SPOCK3: variants seen among roughly 807,000 people sequenced by gnomAD.
SPOCK3 encodes the protein SPARC (osteonectin), cwcv and kazal like domains proteoglycan 3, also known as testican-3.
SPOCK3 carries 30 observed loss-of-function variants against 56.6 expected under a neutral mutation model. That is an observed-to-expected ratio of 0.53 (90% CI 0.40 to 0.72). SPOCK3 has a LOEUF of 0.72. Ranked by LOEUF, SPOCK3 falls within the 30% of genes least tolerant of loss-of-function variation. The pLI, the probability that SPOCK3 is intolerant of heterozygous loss-of-function variation, is 0.00. For synonymous variants in SPOCK3, 196 were observed against 183.3 expected, an observed-to-expected ratio of 1.07 and a Z score of -0.56; for missense variants, 527 against 530.0, an observed-to-expected ratio of 0.99 and a Z score of 0.06.
intron 4 of SPOCK3, among the ~76,000 whole-genome samples, chr4:166,925,656 A>G (rs1218081957): frequency 6.6e-6 from 1 of 151,368 alleles, no homozygotes. Context: ...TGAGACATCA[A>G]TTCAACCACT....
intron 5 of SPOCK3, 91 bp downstream of exon 5, chr4:166,912,529 G>T: frequency 1.6e-6 from 2 of 1,221,062 alleles, no homozygotes; most frequent in South Asian, 2.6e-5. Context: ...TGAATAATTT[G>T]AATTATCACA....
chr4:166,938,775 A>G (rs1490090977), intron 4 of SPOCK3, among the ~76,000 whole-genome samples: 2 of 152,156 alleles, frequency 1.3e-5, no homozygotes, highest in Non-Finnish European at 2.9e-5. Context: ...GAATAATCAT[A>G]CTATACATAT....
intron 6 of SPOCK3, among the ~76,000 whole-genome samples, chr4:166,798,807 T>G (rs536303324): frequency 6.6e-6 from 1 of 151,952 alleles, no homozygotes; most frequent in South Asian, 2.1e-4. Flanking sequence ...TAAAAGTGAG[T>G]GGTGAGTATG....
chr4:167,181,278 T>C (rs1245557244), intron 2 of SPOCK3, among the ~76,000 whole-genome samples: 1 of 152,174 alleles, frequency 6.6e-6, no homozygotes, highest in Non-Finnish European at 1.5e-5. Flanking sequence ...CCTTGAGTCA[T>C]CCCTGACTCC....
At chr4:167,083,738 CAA>C (rs757096739) in intron 2 of SPOCK3, among the ~76,000 whole-genome samples, 2 of 151,992 alleles carry the variant, frequency 1.3e-5, no homozygotes, top group Non-Finnish European at 2.9e-5. Context: ...ATAGGGATAA[CAA>C]GAGAGGATTA....
chr4:166,853,875 C>G (rs1171479963), intron 6 of SPOCK3, among the ~76,000 whole-genome samples: 3 of 151,512 alleles, frequency 2.0e-5, no homozygotes, highest in Middle Eastern at 3.4e-3. Flanking sequence ...GAGGAAGACT[C>G]TCTCTCAAAA....
chr4:167,109,491 T>A (rs1760698409), intron 2 of SPOCK3, among the ~76,000 whole-genome samples: 1 of 110,016 alleles, frequency 9.1e-6, no homozygotes, highest in African/African-American at 3.7e-5. Flanking sequence ...ATAAAATATA[T>A]TTATATATTT....
At chr4:166,951,186 T>A (rs1742568586) in intron 4 of SPOCK3, among the ~76,000 whole-genome samples, 2 of 143,274 alleles carry the variant, frequency 1.4e-5, no homozygotes, top group Non-Finnish European at 3.0e-5. Context: ...GATAGACTGC[T>A]AGCAAGACTA....
At chr4:166,803,900 T>C (rs1742876241) in intron 6 of SPOCK3, among the ~76,000 whole-genome samples, 1 of 152,162 alleles carries the variant, frequency 6.6e-6, no homozygotes, top group African/African-American at 2.4e-5. Flanking sequence ...GCAAATTAAC[T>C]GTAGAGTTGG....
chr4:167,150,615 C>T (rs1764332436), intron 2 of SPOCK3, among the ~76,000 whole-genome samples: 1 of 152,060 alleles, frequency 6.6e-6, no homozygotes, highest in African/African-American at 2.4e-5. Flanking sequence ...AACCCGTAGA[C>T]TTATGATTGT....
chr4:166,897,210 C>G (rs1038160736), intron 5 of SPOCK3, among the ~76,000 whole-genome samples: 1 of 151,958 alleles, frequency 6.6e-6, no homozygotes, highest in African/African-American at 2.4e-5. Flanking sequence ...ATGTGAAAAT[C>G]TAGTTTGTCT....
At chr4:166,875,808 C>T (rs1426954099) in intron 6 of SPOCK3, among the ~76,000 whole-genome samples, 2 of 152,146 alleles carry the variant, frequency 1.3e-5, no homozygotes, top group Non-Finnish European at 2.9e-5. Context: ...GAAGAGCAAG[C>T]GGTTTCTAGG....
At chr4:167,220,772 C>T (rs2111098406) in intron 2 of SPOCK3, among the ~76,000 whole-genome samples, 1 of 152,156 alleles carries the variant, frequency 6.6e-6, no homozygotes, top group East Asian at 1.9e-4. Context: ...AATAAAAATG[C>T]CAGTAATATG....
intron 6 of SPOCK3, among the ~76,000 whole-genome samples, chr4:166,848,310 A>C (rs924393672): frequency 9.2e-5 from 14 of 152,166 alleles, no homozygotes; most frequent in Non-Finnish European, 1.9e-4. Flanking sequence ...TTTGAATTTG[A>C]GGAAAAGGGG....
At chr4:167,151,029 C>G (rs1176945659) in intron 2 of SPOCK3, among the ~76,000 whole-genome samples, 1 of 152,118 alleles carries the variant, frequency 6.6e-6, no homozygotes, top group African/African-American at 2.4e-5. Context: ...CATCTGAGCC[C>G]ATCATCTGGT....
At chr4:166,858,390 C>T (rs1730904359) in intron 6 of SPOCK3, among the ~76,000 whole-genome samples, 1 of 152,092 alleles carries the variant, frequency 6.6e-6, no homozygotes, top group Non-Finnish European at 1.5e-5. Context: ...TCTATTAAGC[C>T]CATTCTGATT....
intron 5 of SPOCK3, among the ~76,000 whole-genome samples, chr4:166,896,346 C>T (rs1735381259): frequency 6.6e-6 from 1 of 152,216 alleles, no homozygotes. Flanking sequence ...AATGGACCCT[C>T]CAGCAGCTGA....
chr4:166,904,760 G>T (rs1257425621), intron 5 of SPOCK3, among the ~76,000 whole-genome samples: 2 of 151,912 alleles, frequency 1.3e-5, no homozygotes, highest in African/African-American at 4.8e-5. Context: ...GATACACATG[G>T]ATAACCTATT....
chr4:166,948,337 T>A (rs538243413), intron 4 of SPOCK3, among the ~76,000 whole-genome samples: 1 of 152,296 alleles, frequency 6.6e-6, no homozygotes, highest in African/African-American at 2.4e-5. Flanking sequence ...CAGACATTAC[T>A]TTTATTTACT....
Sources: allele counts gnomAD v4.1 joint callset (sites outside exome capture counted in the v4.1 genomes callset), GRCh38; gene constraint gnomAD v4.1.1; transcripts MANE v1.5; gene names NCBI Gene and HGNC (gene_info 2026-07-23, HGNC 2026-07-21).